Variants in SGCZ observed in about 807,000 individuals in gnomAD.
The protein encoded by SGCZ is sarcoglycan zeta, also known as zeta-sarcoglycan.
In SGCZ, 40 loss-of-function variants were observed where a neutral mutation model predicts 41.3. The ratio of observed to expected loss-of-function variants is 0.97; its 90% CI spans 0.75 to 1.26. The LOEUF (loss-of-function observed/expected upper bound fraction) is 1.26. SGCZ is among the 50% of genes most tolerant of loss of function. The pLI is 0.00. For synonymous variants in SGCZ, 206 were observed against 137.5 expected (o/e 1.50, Z -3.49); for missense variants, 552 against 369.8 (o/e 1.49, Z -4.04).
chr8:14,290,155 T>C (rs1172274349), intron 3 of SGCZ, among the ~76,000 whole-genome samples: 1 of 151,960 alleles, frequency 6.6e-6, no homozygotes, highest in African/African-American at 2.4e-5. Flanking sequence ...AAGAACAAAA[T>C]TAAACCTTAT....
intron 1 of SGCZ, among the ~76,000 whole-genome samples, chr8:14,920,274 G>A (rs1380657538): frequency 6.6e-6 from 1 of 152,136 alleles, no homozygotes; most frequent in Non-Finnish European, 1.5e-5. Flanking sequence ...CTGAAGTAGT[G>A]CTATAATAAG....
intron 2 of SGCZ, among the ~76,000 whole-genome samples, chr8:14,428,088 G>A (rs965906772): frequency 1.3e-5 from 2 of 149,556 alleles, no homozygotes; most frequent in African/African-American, 4.9e-5. Context: ...AGATACTGAA[G>A]AATGGTTGTA....
chr8:15,203,124 C>CAAA (rs141894657), intron 1 of SGCZ, among the ~76,000 whole-genome samples: 7 of 150,016 alleles, frequency 4.7e-5, no homozygotes, highest in Non-Finnish European at 8.9e-5. Flanking sequence ...AACAAACAAA[C>CAAA]AAAAAAAAAC....
intron 3 of SGCZ, among the ~76,000 whole-genome samples, chr8:14,306,516 T>C (rs1282682784): frequency 1.3e-5 from 2 of 152,194 alleles, no homozygotes; most frequent in South Asian, 2.1e-4. Context: ...TTACCTGGCA[T>C]GAGCAGGAGT....
intron 1 of SGCZ, among the ~76,000 whole-genome samples, chr8:14,610,567 C>T (rs1203180707): frequency 1.3e-5 from 2 of 152,090 alleles, no homozygotes; most frequent in Non-Finnish European, 2.9e-5. Flanking sequence ...GTGCTTTTCT[C>T]CTATTAATCT....
At chr8:14,681,365 C>A (rs781472190) in intron 1 of SGCZ, among the ~76,000 whole-genome samples, 4 of 152,160 alleles carry the variant, frequency 2.6e-5, no homozygotes, top group Non-Finnish European at 5.9e-5. Flanking sequence ...ACAGCCTAGG[C>A]TTCTATACCC....
chr8:14,811,809 C>T (rs142083263), intron 1 of SGCZ, among the ~76,000 whole-genome samples: 8 of 152,074 alleles, frequency 5.3e-5, no homozygotes, highest in Non-Finnish European at 1.0e-4. Flanking sequence ...ATTCCAATTC[C>T]CTTTCAGATC....
At chr8:14,255,151 C>G (rs62500205) in intron 3 of SGCZ, among the ~76,000 whole-genome samples, 3 of 151,988 alleles carry the variant, frequency 2.0e-5, no homozygotes, top group Non-Finnish European at 2.9e-5. Context: ...CAAGTCACTA[C>G]GCTTATCAGC....
chr8:14,546,531 G>C (rs1269810869), intron 2 of SGCZ, among the ~76,000 whole-genome samples: 1 of 152,084 alleles, frequency 6.6e-6, no homozygotes, highest in Non-Finnish European at 1.5e-5. Flanking sequence ...TTAAACCTAT[G>C]CCCGCTCTGC....
At chr8:14,712,581 G>C (rs749301524) in intron 1 of SGCZ, among the ~76,000 whole-genome samples, 1 of 152,160 alleles carries the variant, frequency 6.6e-6, no homozygotes, top group African/African-American at 2.4e-5. Flanking sequence ...GTATCTCTGA[G>C]ATGGAAGCAA....
chr8:14,990,959 G>C (rs1479863939), intron 1 of SGCZ, among the ~76,000 whole-genome samples: 1 of 151,994 alleles, frequency 6.6e-6, no homozygotes, highest in African/African-American at 2.4e-5. Flanking sequence ...GGCAGAAATT[G>C]GGTTAAACTT....
intron 1 of SGCZ, among the ~76,000 whole-genome samples, chr8:15,004,356 T>A (rs112536315): frequency 1.2e-3 from 179 of 152,102 alleles, no homozygotes; most frequent in African/African-American, 4.0e-3. Context: ...TAAGGGATGA[T>A]CCCGCAAGCC....
chr8:15,104,284 A>G (rs79515081), intron 1 of SGCZ, among the ~76,000 whole-genome samples: 3,418 of 152,286 alleles, frequency 0.022, 86 homozygotes, highest in East Asian at 0.11. Flanking sequence ...TCTCTTATAC[A>G]GGAGACAATT....
intron 2 of SGCZ, among the ~76,000 whole-genome samples, chr8:14,377,810 G>A (rs1407711036): frequency 1.3e-5 from 2 of 151,640 alleles, no homozygotes; most frequent in Admixed American, 6.6e-5. Context: ...ATAGTTTACT[G>A]AGAATGATGA....
chr8:15,212,467 G>C (rs1801263995), intron 1 of SGCZ, among the ~76,000 whole-genome samples: 1 of 152,120 alleles, frequency 6.6e-6, no homozygotes, highest in Non-Finnish European at 1.5e-5. Context: ...AGGATTGTTT[G>C]GCTTCTCCTT....
At chr8:14,259,382 G>C (rs1366766911) in intron 3 of SGCZ, among the ~76,000 whole-genome samples, 1 of 151,474 alleles carries the variant, frequency 6.6e-6, no homozygotes, top group Non-Finnish European at 1.5e-5. Flanking sequence ...TGAAGTCCTT[G>C]CCCATGCCTA....
intron 3 of SGCZ, among the ~76,000 whole-genome samples, chr8:14,298,000 G>A (rs1427015): frequency 0.73 from 110,650 of 151,758 alleles, 42,617 homozygotes; most frequent in Non-Finnish European, 0.85. Context: ...CAATAAATAA[G>A]AAGTTATCTT....
At chr8:14,722,371 A>G (rs1809914240) in intron 1 of SGCZ, among the ~76,000 whole-genome samples, 1 of 152,090 alleles carries the variant, frequency 6.6e-6, no homozygotes. Context: ...TCCTCTAATA[A>G]TAATTGATTT....
intron 1 of SGCZ, among the ~76,000 whole-genome samples, chr8:15,036,009 A>T (rs1336466070): frequency 1.3e-5 from 2 of 152,062 alleles, no homozygotes; most frequent in Non-Finnish European, 2.9e-5. Flanking sequence ...AGCAGAAATA[A>T]ATACAATAGA....
Sources: gnomAD v4.1 joint callset for allele counts (sites outside exome capture counted in the v4.1 genomes callset) on GRCh38, gnomAD v4.1.1 for gene constraint, MANE v1.5 for transcripts, NCBI Gene and HGNC (gene_info 2026-07-23, HGNC 2026-07-21) for gene names.